Variants in USP13 observed in about 807,000 individuals in gnomAD.
The protein encoded by USP13 is ubiquitin specific peptidase 13.
A neutral mutation model predicts 107.8 loss-of-function variants in USP13; 68 were observed. That is an observed-to-expected ratio of 0.63 (90% confidence interval 0.52 to 0.77). The LOEUF (loss-of-function observed/expected upper bound fraction) is 0.77, where lower values mean the gene tolerates loss of function less well. Ranked by LOEUF, USP13 falls within the 30% of genes least tolerant of loss-of-function variation. The probability of loss-of-function intolerance (pLI) is 0.00; values close to 1 mark genes in which losing one functional copy is unlikely to be tolerated. For missense variants in USP13, 945 were observed against 1,093.3 expected, an observed-to-expected ratio of 0.86 and a Z score of 1.91; for synonymous variants, 377 against 389.5, an observed-to-expected ratio of 0.97 and a Z score of 0.38.
intron 10 of USP13, among the ~76,000 whole-genome samples, chr3:179,732,942 C>T (rs369202549): frequency 2.0e-5 from 3 of 152,116 alleles, no homozygotes; most frequent in East Asian, 3.9e-4. Flanking sequence ...AGCACTTGGG[C>T]CATCTCTGGG....
intron 2 of USP13, among the ~76,000 whole-genome samples, chr3:179,682,744 T>G (rs1711710863): frequency 6.6e-6 from 1 of 152,228 alleles, no homozygotes; most frequent in Non-Finnish European, 1.5e-5. Context: ...TCATTTCTAT[T>G]TTTTGCTACT....
intron 8 of USP13, 91 bp from the exon 9 acceptor site, chr3:179,730,098 C>T (rs1004479678): frequency 1.7e-6 from 2 of 1,195,988 alleles, no homozygotes; most frequent in African/African-American, 3.1e-5. Flanking sequence ...GACAAAGGGG[C>T]AAGAAGGTCT....
intron 19 of USP13, among the ~76,000 whole-genome samples, chr3:179,774,640 C>T (rs576138985): frequency 6.6e-6 from 1 of 152,212 alleles, no homozygotes; most frequent in East Asian, 1.9e-4. Flanking sequence ...TAGTGGAGAC[C>T]CAAAGGGTGA....
intron 1 of USP13, among the ~76,000 whole-genome samples, chr3:179,660,563 A>G (rs895019437): frequency 6.6e-6 from 1 of 152,130 alleles, no homozygotes; most frequent in Non-Finnish European, 1.5e-5. Flanking sequence ...CTACCTTTTG[A>G]CTGTTGTGAA....
At chr3:179,740,938 T>C (rs1576968019) in intron 11 of USP13, among the ~76,000 whole-genome samples, 1 of 152,112 alleles carries the variant, frequency 6.6e-6, no homozygotes, top group Middle Eastern at 3.4e-3. Context: ...GGCTAATTTT[T>C]GTATTTTTAG....
At chr3:179,751,736 T>G (rs1381601559) in intron 13 of USP13, among the ~76,000 whole-genome samples, 1 of 152,192 alleles carries the variant, frequency 6.6e-6, no homozygotes, top group Non-Finnish European at 1.5e-5. Context: ...CATTCTTTTT[T>G]TTTTTGAGAT....
intron 2 of USP13, among the ~76,000 whole-genome samples, chr3:179,685,165 A>AT (rs59176156): frequency 1.3e-4 from 19 of 147,818 alleles, no homozygotes; most frequent in East Asian, 6.1e-4. Context: ...ATTTTGTTAG[A>AT]TTTTTTTTTT....
intron 17 of USP13, among the ~76,000 whole-genome samples, chr3:179,761,472 C>T (rs987667298): frequency 6.6e-6 from 1 of 151,990 alleles, no homozygotes; most frequent in Non-Finnish European, 1.5e-5. Context: ...GCCTGTAATC[C>T]CAGCACTTTG....
intron 6 of USP13, among the ~76,000 whole-genome samples, chr3:179,717,191 T>C (rs1713140788): frequency 6.6e-6 from 1 of 152,192 alleles, no homozygotes; most frequent in African/African-American, 2.4e-5. Flanking sequence ...TAAGCTGAGG[T>C]TGGGAATAAA....
In USP13 at chr3:179,721,667, C is replaced by T. The variant is rs932593456; in HGVS notation, c.1088+78C>T. On this transcript the variant is annotated intron_variant, in intron 8 of 20. Transcript: ENST00000263966. This position sits in a 1 kb window ranked among gnomAD's most constrained non-coding sequence, Gnocchi z 4.3. ...GGTCCAGTCCACTCAGTGTGCGCTG[C>T]GAAGCCCATCTTTATTGCTTCAGGA... is the stretch of plus-strand genomic sequence containing the variant. 8.8e-6 allele frequency: 13 copies of T among 1,470,592 alleles called. No individual in the cohort carries two copies. Among genetic ancestry groups the T allele is most frequent in the South Asian group, 2.6e-5 (2 of 75,482 alleles). 91.1% of individuals were successfully genotyped at this position (1,470,592 alleles called of 1,614,324 possible). A position where few individuals can be genotyped will look rare whatever the true frequency, so the allele number is the denominator to read the frequency against.
rs937774004 is a variant in USP13 at position 179,733,056 on chromosome 3, G to A, written c.1254+2347G>A. Among the ~76,000 whole-genome samples, 5 of 152,260 alleles carry A rather than the reference G, an allele frequency of 3.3e-5. No individual in the cohort carries two copies. The East Asian group carries it at 7.7e-4, about 24-fold the overall frequency. Reference sequence around the variant, plus strand: ...CCCGCAATGACAGCTGGAGCCAAGGGGCAGCCCTCCCTTCACACAGGACAC... The same window carrying A: ...CCCGCAATGACAGCTGGAGCCAAGGAGCAGCCCTCCCTTCACACAGGACAC... On this transcript the variant is annotated intron_variant, in intron 10 of 20. Transcript: ENST00000263966.
intron 3 of USP13, among the ~76,000 whole-genome samples, chr3:179,700,284 G>A (rs895072236): frequency 8.5e-5 from 13 of 152,200 alleles, no homozygotes; most frequent in African/African-American, 3.1e-4. Context: ...CTTCCACCTC[G>A]GATCTACTAG....
rs566243917 is a variant in USP13 at position 179,715,745 on chromosome 3, A to G, written c.806-4195A>G. On this transcript the variant is annotated intron_variant, in intron 6 of 20. Coordinates refer to ENST00000263966, the MANE Select transcript of USP13 (RefSeq NM_003940.3). ...TCTGTTGCAGATGGCTTAGAGGCACACAGATGTGAACTCCCGGTGGAGAGA... is the reference window on the plus strand; with the variant it reads ...TCTGTTGCAGATGGCTTAGAGGCACGCAGATGTGAACTCCCGGTGGAGAGA... Among the ~76,000 whole-genome samples, 361 of 152,140 alleles carry G rather than the reference A, an allele frequency of 2.4e-3. 2 individuals are homozygous for G. Among genetic ancestry groups the G allele is most frequent in the African/African-American group, 8.4e-3 (348 of 41,498 alleles).
chr3:179,661,061 TG>T (rs1260262288), intron 1 of USP13, among the ~76,000 whole-genome samples: 2 of 152,222 alleles, frequency 1.3e-5, no homozygotes, highest in Admixed American at 6.5e-5. Context: ...GCTTTTGAAA[TG>T]ATGTCATTGC....
At chr3:179,722,249 G>A (rs925517233) in intron 8 of USP13, among the ~76,000 whole-genome samples, 6 of 152,070 alleles carry the variant, frequency 3.9e-5, no homozygotes, top group Admixed American at 1.3e-4. Flanking sequence ...GGTAGGTCTG[G>A]TTAGTGTCTC....
At chr3:179,727,621 C>T (rs1348077416) in intron 8 of USP13, among the ~76,000 whole-genome samples, 3 of 94,364 alleles carry the variant, frequency 3.2e-5, no homozygotes, top group Non-Finnish European at 7.1e-5. Context: ...CCACCCTTCC[C>T]CCCTTTCTAT....
chr3:179,784,371 AGAT>A lies in USP13; in HGVS notation c.*237_*239del, dbSNP rs1490555687. 12 of 392,562 alleles carry A rather than the reference AGAT, an allele frequency of 3.1e-5. No homozygotes were observed. The highest frequency in any genetic ancestry group is 4.1e-5 in the Non-Finnish European group (9 of 220,812). 24.3% of individuals were successfully genotyped at this position (392,562 alleles called of 1,614,324 possible). ...AGATAGTTTTTATAAATGTTCAAAA[AGAT>A]GATGATATTTAAAAACAAAAAAAGT... On this transcript the variant is annotated 3_prime_UTR_variant, in exon 21 of 21. Coordinates refer to ENST00000263966, the MANE Select transcript of USP13 (RefSeq NM_003940.3).
intron 6 of USP13, among the ~76,000 whole-genome samples, chr3:179,711,524 T>A (rs533786778): frequency 3.9e-4 from 60 of 152,330 alleles, no homozygotes; most frequent in Admixed American, 1.9e-3. Context: ...AATTTTTTTT[T>A]AAAATATCTT....
chr3:179,717,799 T>C (rs1713159137), intron 6 of USP13, among the ~76,000 whole-genome samples: 1 of 152,222 alleles, frequency 6.6e-6, no homozygotes, highest in African/African-American at 2.4e-5. Context: ...TTGGAAATGT[T>C]TCTTAATTGG....
Sources: allele counts gnomAD v4.1 joint callset (sites outside exome capture counted in the v4.1 genomes callset), GRCh38; gene constraint gnomAD v4.1.1; non-coding constraint Gnocchi (gnomAD v3.1); transcripts MANE v1.5; gene names NCBI Gene and HGNC (gene_info 2026-07-23, HGNC 2026-07-21).